The following KATNIP variants were observed in gnomAD, a reference collection of about 807,000 sequenced individuals.
KATNIP encodes katanin interacting protein.
A neutral mutation model predicts 174.0 loss-of-function variants in KATNIP; 126 were observed. That is an observed-to-expected ratio of 0.72 (90% CI 0.63 to 0.84). The LOEUF is 0.84. Among genes scored for constraint, KATNIP ranks in the 40% least tolerant of loss-of-function variants. The pLI is 0.00. For missense variants in KATNIP, 1,958 were observed against 2,109.7 expected, an observed-to-expected ratio of 0.93 and a Z score of 1.41; for synonymous variants, 810 against 835.7, an observed-to-expected ratio of 0.97 and a Z score of 0.53.
At chr16:27,577,437 A>G (rs1013321644) in intron 2 of KATNIP, among the ~76,000 whole-genome samples, 3 of 152,204 alleles carry the variant, frequency 2.0e-5, no homozygotes, top group Non-Finnish European at 4.4e-5. Context: ...CATGTCTGTA[A>G]TCCCAGCACT....
chr16:27,760,851 G>A (rs1269153053), intron 18 of KATNIP, among the ~76,000 whole-genome samples: 1 of 152,168 alleles, frequency 6.6e-6, no homozygotes, highest in Non-Finnish European at 1.5e-5. Flanking sequence ...ATGGAGGTTT[G>A]ACCTGGTCAA....
At chr16:27,607,900 CACA>C (rs972122071) in intron 2 of KATNIP, among the ~76,000 whole-genome samples, 7 of 152,192 alleles carry the variant, frequency 4.6e-5, no homozygotes, top group Non-Finnish European at 7.3e-5. Context: ...CACACCCGGC[CACA>C]AACAGTGGCT....
At chr16:27,587,861 T>G (rs2090957370) in intron 2 of KATNIP, among the ~76,000 whole-genome samples, 1 of 152,082 alleles carries the variant, frequency 6.6e-6, no homozygotes, top group African/African-American at 2.4e-5. Context: ...TATTTATATT[T>G]CTTTCTAGCT....
intron 27 of KATNIP, 137 bp downstream of exon 27, chr16:27,778,106 A>G (rs2082569435): frequency 2.8e-6 from 2 of 727,248 alleles, no homozygotes; most frequent in Non-Finnish European, 2.3e-6. Flanking sequence ...AGCCTGCCCA[A>G]AGGCCTAGGG....
At position 27,670,490 on chromosome 16, in the gene KATNIP, G is replaced by A. The variant is rs564074633; in HGVS notation, c.541-7239G>A. On this transcript the variant is annotated intron_variant, in intron 6 of 27. Coordinates refer to ENST00000261588, the MANE Select transcript of KATNIP (RefSeq NM_015202.5). ...TTTCTGAGAAGAGCTCATGAATGCCGTCTGTATTCCCTGGGTTTCTGGCTG... is the reference window on the plus strand; with the variant it reads ...TTTCTGAGAAGAGCTCATGAATGCCATCTGTATTCCCTGGGTTTCTGGCTG... Among the ~76,000 whole-genome samples, 126 of 152,310 alleles carry A rather than the reference G, an allele frequency of 8.3e-4. 1 individual carries two copies. The highest frequency in any genetic ancestry group is 2.6e-3 in the African/African-American group (108 of 41,570).
At chr16:27,716,139 T>C (rs1247727628) in intron 13 of KATNIP, among the ~76,000 whole-genome samples, 2 of 152,218 alleles carry the variant, frequency 1.3e-5, no homozygotes, top group African/African-American at 4.8e-5. Flanking sequence ...GAACTATTGC[T>C]ACATGCTACA....
chr16:27,699,544 G>A lies in KATNIP; in HGVS notation c.1124G>A (p.Gly375Glu). Residue 375 changes from glycine (G) to glutamate (E), a missense_variant, in exon 10 of 28, where the codon GGA (glycine) becomes GAA (glutamate). Gly to Glu is a moderately conservative substitution (Grantham distance 98). Coordinates refer to ENST00000261588, the MANE Select transcript of KATNIP (RefSeq NM_015202.5). ...QPASPLQDAE[G>E]PPAKPWTSLL... The stretch of plus-strand genomic sequence containing the variant: ...ATCACATCCTTCCAGGATGCAGAAG[G>A]ACCACCAGCAAAACCATGGACCAGT... The A allele has an allele frequency of 3.1e-6, 5 of 1,614,156 alleles. No homozygotes were observed. Among genetic ancestry groups the A allele is most frequent in the Non-Finnish European group, 4.2e-6 (5 of 1,180,016 alleles).
Position 27,628,535 on chromosome 16 carries a change from C to T in KATNIP, c.141-126C>T. 3 of 1,017,926 alleles carry T rather than the reference C, an allele frequency of 2.9e-6. No individual in the cohort carries two copies. The Admixed American group carries it at 6.8e-5, about 23-fold the overall frequency. 63.1% of individuals were successfully genotyped at this position (1,017,926 alleles called of 1,614,324 possible). Reference sequence around the variant, plus strand: ...GGCTGTTTGTAGACAAACAGCTGGGCACACGCCCCCTGGGCTCTGATTAGA... The same window carrying T: ...GGCTGTTTGTAGACAAACAGCTGGGTACACGCCCCCTGGGCTCTGATTAGA... On this transcript the variant is annotated intron_variant, in intron 3 of 27. Coordinates refer to ENST00000261588, the MANE Select transcript of KATNIP (RefSeq NM_015202.5).
chr16:27,757,543 A>T (rs2081783193), intron 18 of KATNIP: 1 of 984,434 alleles, frequency 1.0e-6, no homozygotes, highest in South Asian at 4.7e-5. Context: ...GACCTTTCAC[A>T]GAGATGTTAT....
At chr16:27,715,207 A>T (rs140099595) in intron 13 of KATNIP, among the ~76,000 whole-genome samples, 1,823 of 152,382 alleles carry the variant, frequency 0.012, 17 homozygotes, top group Non-Finnish European at 0.016. Flanking sequence ...AGTCATTCAA[A>T]AAATGGCCTT....
chr16:27,643,617 AGAACT>A (rs2076869986), intron 5 of KATNIP, among the ~76,000 whole-genome samples: 2 of 149,260 alleles, frequency 1.3e-5, no homozygotes, highest in African/African-American at 5.0e-5. Context: ...AAAAAAAAAA[AGAACT>A]AAATGAGTGA....
At chr16:27,576,750 C>T (rs553347590) in intron 2 of KATNIP, among the ~76,000 whole-genome samples, 3 of 152,206 alleles carry the variant, frequency 2.0e-5, no homozygotes, top group South Asian at 4.1e-4. Flanking sequence ...GCCCTCTCTC[C>T]TGACTTCCCA....
chr16:27,745,457 G>C (rs756753279), intron 15 of KATNIP, among the ~76,000 whole-genome samples: 1 of 152,246 alleles, frequency 6.6e-6, no homozygotes, highest in Non-Finnish European at 1.5e-5. Flanking sequence ...ACTATGCCCA[G>C]CTCTTGTTCC....
At chr16:27,678,143 T>G (rs1407401807) in intron 7 of KATNIP, 147 bp downstream of exon 7, 2 of 903,062 alleles carry the variant, frequency 2.2e-6, no homozygotes, top group Non-Finnish European at 3.3e-6. Context: ...CTCTGTTGAT[T>G]GCAAGACGCA....
At chr16:27,723,418 C>A (rs1432606363) in intron 14 of KATNIP, among the ~76,000 whole-genome samples, 2 of 151,920 alleles carry the variant, frequency 1.3e-5, no homozygotes, top group East Asian at 3.9e-4. Flanking sequence ...ATGCCCATCT[C>A]TGCCTGATAT....
At chr16:27,644,440 CCTT>C (rs2076899795) in intron 5 of KATNIP, 1 of 152,158 alleles carries the variant, frequency 6.6e-6, no homozygotes. Context: ...CCCACGGAGA[CCTT>C]GTCTCTCAAT....
At chr16:27,763,166 T>A (rs1235410451) in intron 19 of KATNIP, among the ~76,000 whole-genome samples, 2 of 144,062 alleles carry the variant, frequency 1.4e-5, no homozygotes, top group African/African-American at 5.2e-5. Context: ...AAAAAAAAAA[T>A]TAGCCAGGCA....
chr16:27,696,344 AT>A (rs1367602395), intron 8 of KATNIP, among the ~76,000 whole-genome samples: 3 of 151,900 alleles, frequency 2.0e-5, no homozygotes, highest in African/African-American at 7.3e-5. Flanking sequence ...TTTTATTTTT[AT>A]TTTTTTAACT....
intron 15 of KATNIP, among the ~76,000 whole-genome samples, chr16:27,742,851 C>CTTTTT (rs55844779): frequency 0.23 from 34,881 of 151,388 alleles, 4,760 homozygotes; most frequent in African/African-American, 0.39. Flanking sequence ...TTCTTTTTTT[C>CTTTTT]TTTAACTTTT....
Sources: allele counts gnomAD v4.1 joint callset (sites outside exome capture counted in the v4.1 genomes callset), GRCh38; gene constraint gnomAD v4.1.1; transcripts MANE v1.5; gene names NCBI Gene and HGNC (gene_info 2026-07-23, HGNC 2026-07-21).